Variants in DNMT3A observed in about 807,000 individuals in gnomAD.
DNMT3A encodes the protein DNA methyltransferase 3 alpha.
In DNMT3A, 267 loss-of-function variants were observed where a neutral mutation model predicts 117.6. That is an observed-to-expected ratio of 2.27 (90% CI 2.05 to 2.51). The LOEUF (loss-of-function observed/expected upper bound fraction) is 2.51, where lower values mean the gene tolerates loss of function less well. Among genes scored for constraint, DNMT3A ranks in the 30% most tolerant of loss-of-function variants. The probability of loss-of-function intolerance (pLI) is 0.00; values close to 1 mark genes in which losing one functional copy is unlikely to be tolerated. For synonymous variants in DNMT3A, 432 were observed against 474.8 expected, an observed-to-expected ratio of 0.91 and a Z score of 1.17; for missense variants, 1,029 against 1,260.2, an observed-to-expected ratio of 0.82 and a Z score of 2.78.
At chr2:25,314,736 G>A in intron 1 of DNMT3A, 1 of 984,724 alleles carries the variant, frequency 1.0e-6, no homozygotes, top group Non-Finnish European at 1.2e-6. Context: ...CTAGGAGGGA[G>A]AGGCCACGGC....
In DNMT3A at chr2:25,296,686, G is replaced by A. The variant is rs1032450175; in HGVS notation, c.177+3453C>T. On this transcript the variant is annotated intron_variant, in intron 3 of 22. Transcript: ENST00000321117. This position sits in a 1 kb window ranked among gnomAD's most constrained non-coding sequence, Gnocchi z 4.2. The stretch of plus-strand genomic sequence containing the variant: ...AGCACACTGGCCTGGGCATGCAAGG[G>A]GCAGGTGGAGTCTGGTTTGGGTGAG... Among the ~76,000 whole-genome samples, 1 of 152,210 alleles carries A rather than the reference G, an allele frequency of 6.6e-6. No individual in the cohort carries two copies. Among genetic ancestry groups the A allele is most frequent in the East Asian group, 1.9e-4 (1 of 5,194 alleles).
At position 25,294,246 on chromosome 2, in the gene DNMT3A, T is replaced by A. The variant is rs1351045294; in HGVS notation, c.177+5893A>T. On this transcript the variant is annotated intron_variant, in intron 3 of 22. Transcript: ENST00000321117. The surrounding 1 kb of genome is among the most constrained non-coding windows in gnomAD (Gnocchi z 4.7). ...TCCCACTGCACTTAAGTCCCCACCA[T>A]GGGCTAGGCCCTTCCATGCAGCACT... 6.6e-6 allele frequency among the ~76,000 whole-genome samples: 1 copy of A among 152,154 alleles called. No homozygotes were observed. Among genetic ancestry groups the A allele is most frequent in the African/African-American group, 2.4e-5 (1 of 41,442 alleles).
rs2149400728 is a variant in DNMT3A at position 25,296,749 on chromosome 2, G to GC, written c.177+3389dup. Among the ~76,000 whole-genome samples the GC allele has an allele frequency of 6.6e-6, 1 of 152,362 alleles. No individual in the cohort carries two copies. The highest frequency in any genetic ancestry group is 1.5e-5 in the Non-Finnish European group (1 of 68,032). On this transcript the variant is annotated intron_variant, in intron 3 of 22. Coordinates refer to ENST00000321117, the MANE Select transcript of DNMT3A (RefSeq NM_022552.5). The surrounding 1 kb of genome is among the most constrained non-coding windows in gnomAD (Gnocchi z 4.2). ...GGGCAGAAGGCACCCAGGGACAGAT[G>GC]CCTGTTGAAGGCCAAGACAGACAGT...
At chr2:25,316,715 C>T (rs2034395695) in intron 1 of DNMT3A, among the ~76,000 whole-genome samples, 1 of 152,228 alleles carries the variant, frequency 6.6e-6, no homozygotes, top group Non-Finnish European at 1.5e-5. Flanking sequence ...CCTTCCACCG[C>T]ACAGCCCTGG....
chr2:25,281,640 T>C lies in DNMT3A; in HGVS notation c.448+801A>G. 1.1e-5 allele frequency: 12 copies of C among 1,065,230 alleles called. No individual in the cohort carries two copies. Among genetic ancestry groups the C allele is most frequent in the Non-Finnish European group, 1.4e-5 (12 of 879,192 alleles). 66.0% of individuals were successfully genotyped at this position (1,065,230 alleles called of 1,614,324 possible). On this transcript the variant is annotated intron_variant, in intron 4 of 22. Transcript: ENST00000321117. The surrounding 1 kb of genome is among the most constrained non-coding windows in gnomAD (Gnocchi z 4.8). ...GGCAGGGCCCTGGGAGGATCAAATG[T>C]GATAATGTATGAGAAAGCGCTTTGT...
At chr2:25,288,178 T>TA (rs767482586) in intron 3 of DNMT3A, among the ~76,000 whole-genome samples, 41 of 145,768 alleles carry the variant, frequency 2.8e-4, no homozygotes, top group Middle Eastern at 7.5e-3. Flanking sequence ...CTTACGCCTG[T>TA]AATCCCAGCA....
Position 25,314,139 on chromosome 2 carries a change from G to C in DNMT3A, c.-155C>G. 1 of 1,427,270 alleles carries C rather than the reference G, an allele frequency of 7.0e-7. No individual in the cohort carries two copies. Among genetic ancestry groups the C allele is most frequent in the Non-Finnish European group, 9.1e-7 (1 of 1,094,158 alleles). 88.4% of individuals were successfully genotyped at this position (1,427,270 alleles called of 1,614,324 possible). The stretch of plus-strand genomic sequence containing the variant: ...TGAACGGTGCCTCTGTCAGCCTGTG[G>C]GTGGGGGCTTCGATGGCTCCACCTG... On this transcript the variant is annotated 5_prime_UTR_variant, in exon 2 of 23. Transcript: ENST00000321117.
At position 25,339,773 on chromosome 2, in the gene DNMT3A, AG is replaced by A. The variant is rs1244910811; in HGVS notation, c.-178+2052del. 2.0e-5 allele frequency among the ~76,000 whole-genome samples: 3 copies of A among 152,178 alleles called. No homozygotes were observed. Among genetic ancestry groups the A allele is most frequent in the African/African-American group, 7.2e-5 (3 of 41,438 alleles). On this transcript the variant is annotated intron_variant, in intron 1 of 22. Coordinates refer to ENST00000321117, the MANE Select transcript of DNMT3A (RefSeq NM_022552.5). This position sits in a 1 kb window ranked among gnomAD's most constrained non-coding sequence, Gnocchi z 4.9. ...GATGGCCCCTGCTAGCCAACCAAAG[AG>A]GGTCCCCGGGATGCCTGGCCCCCCA...
Position 25,247,647 on chromosome 2 carries a change from G to A in DNMT3A, c.958C>T (p.Arg320Ter), listed in dbSNP as rs778270132. ...IVSWWMTGRS[R>*]AAEGTRWVMW... ...ACCCAGCGGGTGCCTTCAGCTGCTCGGCTCCGGCCCGTCATCCACCAAGAC... is the reference window on the plus strand; with the variant it reads ...ACCCAGCGGGTGCCTTCAGCTGCTCAGCTCCGGCCCGTCATCCACCAAGAC... The change falls in exon 8 of 23, where the codon CGA becomes TGA. Residue 320 changes from arginine (R) to a stop codon, truncating the protein, a stop_gained. Coordinates refer to ENST00000321117, the MANE Select transcript of DNMT3A (RefSeq NM_022552.5). LOFTEE classifies it high-confidence loss of function. This position sits in a 1 kb window ranked among gnomAD's most constrained non-coding sequence, Gnocchi z 5.6. 2.0e-5 allele frequency: 32 copies of A among 1,613,832 alleles called. No homozygotes were observed. The highest frequency in any genetic ancestry group is 5.0e-5 in the Admixed American group (3 of 59,986).
intron 10 of DNMT3A, 46 bp downstream of exon 10, chr2:25,246,574 C>G (rs1476239043): frequency 1.9e-6 from 3 of 1,586,594 alleles, no homozygotes; most frequent in Non-Finnish European, 2.6e-6. Context: ...TGGTGTGGAT[C>G]TGCCTGGCGG....
intron 6 of DNMT3A, chr2:25,249,734 A>G (rs1460798141): frequency 6.2e-7 from 1 of 1,614,164 alleles, no homozygotes; most frequent in South Asian, 1.1e-5. Context: ...CCTACAAAGG[A>G]GAATGAAATC....
Position 25,313,824 on chromosome 2 carries a change from A to C in DNMT3A, c.72+89T>G, listed in dbSNP as rs544497283. ...TGAGCACTGAGTGATGCGGTCATGCACTCAGTATGAGGAGCCGGCTGTCAT... is the reference window on the plus strand; with the variant it reads ...TGAGCACTGAGTGATGCGGTCATGCCCTCAGTATGAGGAGCCGGCTGTCAT... On this transcript the variant is annotated intron_variant, in intron 2 of 22. Transcript: ENST00000321117. The C allele has an allele frequency of 1.2e-5, 19 of 1,538,874 alleles. No homozygotes were observed. The East Asian group carries it at 1.5e-4, about 12-fold the overall frequency.
chr2:25,278,781 GTGCCACTGCAC>G (rs2031662030), intron 4 of DNMT3A, among the ~76,000 whole-genome samples: 4 of 151,906 alleles, frequency 2.6e-5, no homozygotes. Context: ...AGCCAAGATT[GTGCCACTGCAC>G]TCCAGCCTGA....
intron 4 of DNMT3A, among the ~76,000 whole-genome samples, chr2:25,278,021 AC>A (rs1210341428): frequency 2.7e-4 from 22 of 82,174 alleles, no homozygotes; most frequent in Non-Finnish European, 4.5e-4. Context: ...ACACACACAC[AC>A]ACACACACAC....
intron 20 of DNMT3A, 59 bp downstream of exon 20, chr2:25,239,071 G>C: frequency 6.6e-7 from 1 of 1,519,656 alleles, no homozygotes; most frequent in South Asian, 1.2e-5. Flanking sequence ...TCCCCACTAT[G>C]GGTCATCCCA....
intron 1 of DNMT3A, among the ~76,000 whole-genome samples, chr2:25,321,949 G>C (rs1438268405): frequency 6.6e-6 from 1 of 152,190 alleles, no homozygotes; most frequent in African/African-American, 2.4e-5. Context: ...TATTTAAGGA[G>C]GATGGCTGAA....
At chr2:25,274,473 G>A (rs1558697563) in intron 6 of DNMT3A, among the ~76,000 whole-genome samples, 1 of 152,144 alleles carries the variant, frequency 6.6e-6, no homozygotes, top group Admixed American at 6.5e-5. Flanking sequence ...ATTTCACCCT[G>A]GCATACAGTT....
intron 1 of DNMT3A, among the ~76,000 whole-genome samples, chr2:25,319,660 A>G (rs918073195): frequency 4.6e-5 from 7 of 152,146 alleles, no homozygotes; most frequent in African/African-American, 1.7e-4. Flanking sequence ...TGCCGTCATC[A>G]CCATGCCCTC....
intron 19 of DNMT3A, 89 bp downstream of exon 19, chr2:25,240,213 A>G: frequency 6.4e-7 from 1 of 1,573,304 alleles, no homozygotes; most frequent in Non-Finnish European, 8.6e-7. Context: ...ACCAGTCCCC[A>G]GCTCCACAAT....
Sources: gnomAD v4.1 joint callset for allele counts (sites outside exome capture counted in the v4.1 genomes callset) on GRCh38, gnomAD v4.1.1 for gene constraint, Gnocchi (gnomAD v3.1) non-coding constraint, MANE v1.5 for transcripts, NCBI Gene and HGNC (gene_info 2026-07-23, HGNC 2026-07-21) for gene names.